ENTPD1: variants seen among roughly 807,000 people sequenced by gnomAD.
ENTPD1 encodes the protein ATP diphosphohydrolase.
Under a neutral mutation model 57.0 loss-of-function variants are expected in ENTPD1, and 33 were observed. The observed-to-expected ratio is 0.58, with a 90% CI of 0.44 to 0.77. The LOEUF (loss-of-function observed/expected upper bound fraction) is 0.77. Among genes scored for constraint, ENTPD1 ranks in the 30% least tolerant of loss-of-function variants. The probability of loss-of-function intolerance (pLI) is 0.00; values close to 1 mark genes in which losing one functional copy is unlikely to be tolerated. For synonymous variants in ENTPD1, 202 were observed against 218.8 expected (o/e 0.92, Z 0.68); for missense variants, 501 against 603.4 (o/e 0.83, Z 1.78).
chr10:95,729,979 A>G (rs182770377), intron 1 of ENTPD1, among the ~76,000 whole-genome samples: 82 of 152,302 alleles, frequency 5.4e-4, no homozygotes, highest in Non-Finnish European at 1.5e-5. Context: ...GAACATTAAT[A>G]ATGTTTTTCC....
intron 1 of ENTPD1, among the ~76,000 whole-genome samples, chr10:95,759,887 GCCACA>G (rs1266720473): frequency 6.6e-6 from 1 of 152,194 alleles, no homozygotes; most frequent in Non-Finnish European, 1.5e-5. Flanking sequence ...TTTGGTTAAG[GCCACA>G]CAGCTAATAA....
chr10:95,722,875 C>T (rs1178895575), intron 1 of ENTPD1, among the ~76,000 whole-genome samples: 2 of 152,222 alleles, frequency 1.3e-5, no homozygotes, highest in Admixed American at 6.5e-5. Context: ...AGAATAGCCC[C>T]ATACGAGTAA....
At chr10:95,719,054 C>T (rs1003844278) in intron 1 of ENTPD1, among the ~76,000 whole-genome samples, 1 of 152,196 alleles carries the variant, frequency 6.6e-6, no homozygotes, top group African/African-American at 2.4e-5. Context: ...CTGTTCACAT[C>T]ATGAGATGTC....
intron 1 of ENTPD1, among the ~76,000 whole-genome samples, chr10:95,809,151 C>T (rs1028546458): frequency 2.6e-5 from 4 of 152,230 alleles, no homozygotes; most frequent in Non-Finnish European, 4.4e-5. Flanking sequence ...ACAATCTGAT[C>T]TCTCTTTCTT....
intron 1 of ENTPD1, among the ~76,000 whole-genome samples, chr10:95,718,828 A>G (rs2097974427): frequency 6.6e-6 from 1 of 152,206 alleles, no homozygotes; most frequent in Admixed American, 6.5e-5. Flanking sequence ...GGGATCAGTT[A>G]AGGGAACCTC....
At chr10:95,837,433 C>G (rs779489478) in intron 2 of ENTPD1, among the ~76,000 whole-genome samples, 3 of 152,216 alleles carry the variant, frequency 2.0e-5, no homozygotes, top group Non-Finnish European at 4.4e-5. Flanking sequence ...CCTCTCTGCC[C>G]ACAATGGCCA....
chr10:95,699,820 G>A, the ENTPD1 span, among the ~76,000 whole-genome samples: 1 of 152,168 alleles, frequency 6.6e-6, no homozygotes, highest in Admixed American at 6.5e-5. Context: ...ATACATTTTT[G>A]AAGAAATTGG....
In ENTPD1 at chr10:95,860,518, A is replaced by G. The variant is rs1310905171; in HGVS notation, c.1124A>G (p.Glu375Gly). 6.2e-7 allele frequency: 1 copy of G among 1,613,920 alleles called. No individual in the cohort carries two copies. The highest frequency in any genetic ancestry group is 8.5e-7 in the Non-Finnish European group (1 of 1,179,934). Residue 375 changes from glutamate to glycine, a missense_variant, in exon 8 of 10, where the codon GAG becomes GGG. Transcript: ENST00000371205. Reference sequence around the variant, plus strand: ...ATGAAGTTTTTAAACTTGACATCAGAGAAAGTCTCTCAGGAAAAGGTGACT... The same window carrying G: ...ATGAAGTTTTTAAACTTGACATCAGGGAAAGTCTCTCAGGAAAAGGTGACT... ...FVMKFLNLTS[E>G]KVSQEKVTEM...
intron 1 of ENTPD1, among the ~76,000 whole-genome samples, chr10:95,814,364 T>C (rs2098322405): frequency 6.6e-6 from 1 of 152,192 alleles, no homozygotes; most frequent in Non-Finnish European, 1.5e-5. Flanking sequence ...GCTTCCTCAT[T>C]TCCCATACAT....
intron 8 of ENTPD1, 142 bp from the exon 9 acceptor site, chr10:95,864,582 C>A (rs904173476): frequency 7.2e-6 from 8 of 1,115,818 alleles, no homozygotes; most frequent in African/African-American, 1.5e-5. Flanking sequence ...GCACCACCCC[C>A]AAAACCCTCT....
chr10:95,826,428 CT>C (rs1482291282), intron 2 of ENTPD1, among the ~76,000 whole-genome samples: 2 of 151,924 alleles, frequency 1.3e-5, no homozygotes, highest in Non-Finnish European at 2.9e-5. Flanking sequence ...AAAAAATTAG[CT>C]TGGTATGGTG....
chr10:95,819,949 G>T (rs2098343291), intron 1 of ENTPD1, among the ~76,000 whole-genome samples: 1 of 152,212 alleles, frequency 6.6e-6, no homozygotes, highest in Admixed American at 6.5e-5. Flanking sequence ...TTTTCAGGGG[G>T]AAGACAATCA....
chr10:95,867,025 G>T lies in ENTPD1; in HGVS notation c.*642G>T. 1 of 991,716 alleles carries T rather than the reference G, an allele frequency of 1.0e-6. No individual in the cohort carries two copies. Among genetic ancestry groups the T allele is most frequent in the Non-Finnish European group, 1.2e-6 (1 of 833,462 alleles). 61.4% of individuals were successfully genotyped at this position (991,716 alleles called of 1,614,324 possible). A position where few individuals can be genotyped will look rare whatever the true frequency, so the allele number is the denominator to read the frequency against. ...TATGTCAATAAATCACATATTCCTA[G>T]GTGATACCCAAATGCTACAGAGTGG... is the stretch of plus-strand genomic sequence containing the variant. On this transcript the variant is annotated 3_prime_UTR_variant, in exon 10 of 10. Transcript: ENST00000371205.
At chr10:95,740,555 G>T (rs1209221154) in intron 1 of ENTPD1, among the ~76,000 whole-genome samples, 1 of 152,148 alleles carries the variant, frequency 6.6e-6, no homozygotes, top group South Asian at 2.1e-4. Flanking sequence ...TTGAAGCCAG[G>T]TATTGACTTC....
At position 95,717,057 on chromosome 10, in the gene ENTPD1, G is replaced by A. The variant is rs551801463; in HGVS notation, c.37+5064G>A. Among the ~76,000 whole-genome samples, 12 of 152,374 alleles carry A rather than the reference G, an allele frequency of 7.9e-5. No individual in the cohort carries two copies. The South Asian group carries it at 2.3e-3, about 29-fold the overall frequency. On this transcript the variant is annotated intron_variant, in intron 1 of 9. Coordinates refer to the ENTPD1 transcript ENST00000453258. ...CCCACTGTGTGGGTAGGCATGGGCC[G>A]TGTGGGATTTAGGCATAAGGAACTT... is the stretch of plus-strand genomic sequence containing the variant.
upstream of ENTPD1, among the ~76,000 whole-genome samples, chr10:95,706,902 T>TCA (rs1354616976): frequency 6.6e-6 from 1 of 152,248 alleles, no homozygotes; most frequent in East Asian, 1.9e-4. Context: ...GCCCGGGTGT[T>TCA]CAGCCCAACC....
intron 4 of ENTPD1, among the ~76,000 whole-genome samples, 175 bp downstream of exon 4, chr10:95,842,669 T>C (rs2098424993): frequency 6.6e-6 from 1 of 151,096 alleles, no homozygotes; most frequent in Non-Finnish European, 1.5e-5. Context: ...TCTTAGTATA[T>C]ATAGGGGTAG....
At chr10:95,768,468 CCTCT>C (rs2098100166) in intron 1 of ENTPD1, among the ~76,000 whole-genome samples, 4 of 151,182 alleles carry the variant, frequency 2.6e-5, no homozygotes. Flanking sequence ...TTTCTCTTTC[CCTCT>C]CTTTCTTCTT....
chr10:95,718,624 G>A (rs1027664724), intron 1 of ENTPD1, among the ~76,000 whole-genome samples: 3 of 152,162 alleles, frequency 2.0e-5, no homozygotes, highest in African/African-American at 4.8e-5. Context: ...CTTAGAGTCT[G>A]TATATATATT....
Sources: gnomAD v4.1 joint callset for allele counts (sites outside exome capture counted in the v4.1 genomes callset) on GRCh38, gnomAD v4.1.1 for gene constraint, MANE v1.5 for transcripts, NCBI Gene and HGNC (gene_info 2026-07-23, HGNC 2026-07-21) for gene names.